SLC4A4: variants seen among roughly 807,000 people sequenced by gnomAD.
SLC4A4 encodes solute carrier family 4 member 4.
A neutral mutation model predicts 111.5 loss-of-function variants in SLC4A4; 27 were observed. That is an observed-to-expected ratio of 0.24 (90% CI 0.18 to 0.33). The LOEUF is 0.33. Ranked by LOEUF, SLC4A4 falls within the 10% of genes least tolerant of loss-of-function variation. The pLI is 1.00. For missense variants in SLC4A4, 909 were observed against 1,315.5 expected (o/e 0.69, Z 4.78); for synonymous variants, 443 against 463.4 (o/e 0.96, Z 0.57).
At chr4:71,383,275 A>T (rs1459935172) in intron 6 of SLC4A4, among the ~76,000 whole-genome samples, 1 of 152,230 alleles carries the variant, frequency 6.6e-6, no homozygotes, top group Non-Finnish European at 1.5e-5. Flanking sequence ...TATATACATA[A>T]GTAAGCGAGG....
intron 3 of SLC4A4, among the ~76,000 whole-genome samples, chr4:71,295,663 T>C (rs527629065): frequency 1.3e-5 from 2 of 150,508 alleles, no homozygotes; most frequent in Admixed American, 1.4e-4. Flanking sequence ...TTCTTTTCTT[T>C]CTTTCTTTTT....
intron 4 of SLC4A4, among the ~76,000 whole-genome samples, chr4:71,341,990 C>T (rs1728936576): frequency 6.6e-6 from 1 of 152,088 alleles, no homozygotes; most frequent in Non-Finnish European, 1.5e-5. Context: ...ACTTTATTTT[C>T]AATTTACTGG....
At chr4:71,472,223 C>G (rs541174390) in intron 13 of SLC4A4, among the ~76,000 whole-genome samples, 35 of 152,020 alleles carry the variant, frequency 2.3e-4, no homozygotes, top group Middle Eastern at 3.4e-3. Flanking sequence ...GTAACATTAT[C>G]ACTTAGTATT....
intron 1 of SLC4A4, among the ~76,000 whole-genome samples, chr4:71,219,390 A>G (rs1463220141): frequency 2.0e-5 from 3 of 152,216 alleles, no homozygotes; most frequent in African/African-American, 7.2e-5. Context: ...TTATAGCATG[A>G]TTTACTGAAT....
At chr4:71,449,158 T>C (rs1210965591) in intron 9 of SLC4A4, among the ~76,000 whole-genome samples, 1 of 152,162 alleles carries the variant, frequency 6.6e-6, no homozygotes, top group East Asian at 1.9e-4. Flanking sequence ...TCTTGCTAAA[T>C]TTATGATCTT....
intron 15 of SLC4A4, among the ~76,000 whole-genome samples, chr4:71,492,785 T>G (rs1305851848): frequency 1.3e-5 from 2 of 151,982 alleles, no homozygotes; most frequent in African/African-American, 2.4e-5. Flanking sequence ...TGCTGCCCTT[T>G]GAATACGAGA....
intron 14 of SLC4A4, among the ~76,000 whole-genome samples, chr4:71,486,188 C>G (rs923162514): frequency 6.6e-6 from 1 of 151,274 alleles, no homozygotes; most frequent in East Asian, 2.0e-4. Context: ...TTTTATAATA[C>G]ATAAAGCTTT....
At chr4:71,088,391 T>G (rs1742261141) in intron 1 of SLC4A4, among the ~76,000 whole-genome samples, 1 of 152,062 alleles carries the variant, frequency 6.6e-6, no homozygotes, top group Non-Finnish European at 1.5e-5. Context: ...ATTGGAGCAT[T>G]TAGCCCATTT....
intron 3 of SLC4A4, among the ~76,000 whole-genome samples, chr4:71,321,529 C>G (rs1382704848): frequency 1.3e-5 from 2 of 151,886 alleles, no homozygotes; most frequent in Non-Finnish European, 2.9e-5. Context: ...CACAGAATAC[C>G]ACAGACTTGG....
At chr4:71,129,429 A>C (rs1743643000) in intron 2 of SLC4A4, among the ~76,000 whole-genome samples, 1 of 152,248 alleles carries the variant, frequency 6.6e-6, no homozygotes, top group Non-Finnish European at 1.5e-5. Context: ...ACCATCATAC[A>C]CCAGTCAGAA....
chr4:71,568,050 A>T lies in SLC4A4; in HGVS notation c.*299A>T. On this transcript the variant is annotated 3_prime_UTR_variant, in exon 26 of 26. Transcript: ENST00000264485. ...CTTCTCTCTTGCATAGACACAATCA[A>T]GACAATAGTGCACCGTTCCTTAAAA... The T allele has an allele frequency of 3.5e-6, 2 of 576,122 alleles. No homozygotes were observed. Among genetic ancestry groups the T allele is most frequent in the Non-Finnish European group, 6.2e-6 (2 of 321,564 alleles). 35.7% of individuals were successfully genotyped at this position (576,122 alleles called of 1,614,324 possible). A position where few individuals can be genotyped will look rare whatever the true frequency, so the allele number is the denominator to read the frequency against.
At chr4:71,423,129 C>G (rs531870609) in intron 7 of SLC4A4, among the ~76,000 whole-genome samples, 1 of 152,200 alleles carries the variant, frequency 6.6e-6, no homozygotes, top group African/African-American at 2.4e-5. Flanking sequence ...TGATAAGCAA[C>G]TTCAGCAAAG....
intron 16 of SLC4A4, among the ~76,000 whole-genome samples, chr4:71,518,178 G>C (rs1480952986): frequency 1.3e-5 from 2 of 152,166 alleles, no homozygotes; most frequent in Non-Finnish European, 2.9e-5. Flanking sequence ...AAAGTGACTG[G>C]TCTGGTGCCT....
intron 7 of SLC4A4, among the ~76,000 whole-genome samples, chr4:71,407,319 T>C (rs1178128465): frequency 6.6e-6 from 1 of 152,216 alleles, no homozygotes; most frequent in Non-Finnish European, 1.5e-5. Flanking sequence ...CTCAATGTTA[T>C]GTGCTGATAC....
At position 71,424,241 on chromosome 4, in the gene SLC4A4, T is replaced by A. The variant is rs1172187896; in HGVS notation, c.808-16375T>A. 1.8e-4 allele frequency among the ~76,000 whole-genome samples: 28 copies of A among 151,894 alleles called. 1 individual carries two copies. The highest frequency in any genetic ancestry group is 3.1e-4 in the Non-Finnish European group (21 of 67,954). On this transcript the variant is annotated intron_variant, in intron 7 of 25. Transcript: ENST00000264485. ...TGCAGCCAAAAGACACATGAAAAAA[T>A]GCTCACCATCACTGGCCATCAGAGA... is the stretch of plus-strand genomic sequence containing the variant.
Position 71,187,306 on chromosome 4 carries a change from A to T in SLC4A4, c.-97A>T, listed in dbSNP as rs1294398593. On this transcript the variant is annotated 5_prime_UTR_variant, in exon 1 of 26. Coordinates refer to ENST00000264485, the MANE Select transcript of SLC4A4 (RefSeq NM_001098484.3). ...CGGTGGCGGCGGCGGCCGCGGTGGC[A>T]GCGAAGGCGGCGGCGGCGGCGGCAG... is the stretch of plus-strand genomic sequence containing the variant. The T allele has an allele frequency of 6.5e-6, 1 of 154,554 alleles. No individual in the cohort carries two copies. Among genetic ancestry groups the T allele is most frequent in the Non-Finnish European group, 1.4e-5 (1 of 70,618 alleles). 9.6% of individuals were successfully genotyped at this position (154,554 alleles called of 1,614,324 possible). A position where few individuals can be genotyped will look rare whatever the true frequency, so the allele number is the denominator to read the frequency against.
chr4:71,196,927 A>G (rs1226665880), intron 1 of SLC4A4, among the ~76,000 whole-genome samples: 3 of 143,994 alleles, frequency 2.1e-5, no homozygotes, highest in Non-Finnish European at 4.5e-5. Context: ...TTTAAACTGT[A>G]TTTCTGGCTG....
intron 5 of SLC4A4, among the ~76,000 whole-genome samples, chr4:71,353,377 A>G (rs563392956): frequency 6.6e-6 from 1 of 152,336 alleles, no homozygotes; most frequent in East Asian, 1.9e-4. Context: ...CAGTTCAGGG[A>G]CAAATAACAC....
chr4:71,101,492 T>C (rs1249674400), intron 2 of SLC4A4, among the ~76,000 whole-genome samples: 2 of 152,334 alleles, frequency 1.3e-5, no homozygotes, highest in South Asian at 2.1e-4. Context: ...AGAACTCTTT[T>C]CATCTTGCAA....
Sources: allele counts gnomAD v4.1 joint callset (sites outside exome capture counted in the v4.1 genomes callset), GRCh38; gene constraint gnomAD v4.1.1; transcripts MANE v1.5; gene names NCBI Gene and HGNC (gene_info 2026-07-23, HGNC 2026-07-21).